Variants in UNC93A observed in about 807,000 individuals in gnomAD.
UNC93A encodes the protein unc-93 homolog A.
UNC93A carries 43 observed loss-of-function variants against 47.5 expected under a neutral mutation model. That is an observed-to-expected ratio of 0.91 (90% CI 0.71 to 1.17). The LOEUF (loss-of-function observed/expected upper bound fraction) is 1.17, where lower values mean the gene tolerates loss of function less well. Ranked by LOEUF, UNC93A falls within the 50% of genes most tolerant of loss-of-function variation. The pLI is 0.00. For synonymous variants in UNC93A, 280 were observed against 258.0 expected, an observed-to-expected ratio of 1.09 and a Z score of -0.82; for missense variants, 605 against 577.6, an observed-to-expected ratio of 1.05 and a Z score of -0.49.
upstream of UNC93A, among the ~76,000 whole-genome samples, chr6:167,287,117 G>A (rs984094667): frequency 6.6e-5 from 10 of 151,874 alleles, no homozygotes; most frequent in African/African-American, 1.7e-4. Context: ...AATCACAGCC[G>A]TATTTGGCTC....
chr6:167,278,427 C>T (rs1446032352), intron 1 of UNC93A, among the ~76,000 whole-genome samples: 2 of 152,206 alleles, frequency 1.3e-5, no homozygotes, highest in Non-Finnish European at 1.5e-5. Context: ...CATGAGGCTG[C>T]AGCACCACAA....
intron 1 of UNC93A, among the ~76,000 whole-genome samples, chr6:167,292,305 G>A (rs1783858872): frequency 6.6e-6 from 1 of 152,120 alleles, no homozygotes; most frequent in East Asian, 1.9e-4. Context: ...GGCCTGGTGT[G>A]GTCACATAAA....
At chr6:167,269,570 A>G (rs1006364348), upstream of UNC93A, among the ~76,000 whole-genome samples, 5 of 152,064 alleles carry the variant, frequency 3.3e-5, no homozygotes, top group African/African-American at 1.2e-4. Context: ...AAAGCTTTAT[A>G]TTTTACTACC....
At chr6:167,295,741 G>A (rs949306539) in intron 2 of UNC93A, among the ~76,000 whole-genome samples, 27 of 147,370 alleles carry the variant, frequency 1.8e-4, no homozygotes, top group African/African-American at 6.8e-4. Flanking sequence ...CGTGCTCCTC[G>A]CCTCCCTCGT....
intron 2 of UNC93A, among the ~76,000 whole-genome samples, chr6:167,295,632 C>CG (rs1271926439): frequency 9.0e-6 from 1 of 110,524 alleles, no homozygotes; most frequent in African/African-American, 5.0e-5. Flanking sequence ...TCGTGCTCCT[C>CG]GCCTGCCTCG....
chr6:167,311,296 T>G (rs543557401), intron 7 of UNC93A, among the ~76,000 whole-genome samples: 3 of 152,276 alleles, frequency 2.0e-5, no homozygotes, highest in Admixed American at 1.3e-4. Flanking sequence ...GTCTCCCACT[T>G]AGAAGCAGGT....
At chr6:167,288,616 G>A (rs1228873348), upstream of UNC93A, among the ~76,000 whole-genome samples, 1 of 152,032 alleles carries the variant, frequency 6.6e-6, no homozygotes, top group African/African-American at 2.4e-5. Flanking sequence ...AGTTTATTTG[G>A]TATTGCTTTT....
At chr6:167,277,071 G>A (rs1281468543) in intron 1 of UNC93A, among the ~76,000 whole-genome samples, 1 of 152,170 alleles carries the variant, frequency 6.6e-6, no homozygotes, top group African/African-American at 2.4e-5. Flanking sequence ...GGCTCATCAG[G>A]GGAGCCAGTG....
upstream of UNC93A, among the ~76,000 whole-genome samples, chr6:167,288,865 C>T (rs995500032): frequency 6.6e-6 from 1 of 152,230 alleles, no homozygotes; most frequent in Admixed American, 6.5e-5. Context: ...CTCGGTTTTC[C>T]GGAACACGCG....
chr6:167,281,549 G>A (rs1365071180), intron 1 of UNC93A, among the ~76,000 whole-genome samples: 1 of 152,158 alleles, frequency 6.6e-6, no homozygotes, highest in African/African-American at 2.4e-5. Flanking sequence ...GTGGGGAGGA[G>A]AGAGTATGTG....
intron 1 of UNC93A, among the ~76,000 whole-genome samples, chr6:167,293,474 T>C (rs1468481034): frequency 2.6e-5 from 4 of 152,156 alleles, no homozygotes; most frequent in Non-Finnish European, 2.9e-5. Context: ...GACAGCTGTC[T>C]CTGCTACTCA....
intron 5 of UNC93A, 27 bp from the exon 6 acceptor site, chr6:167,305,888 G>T (rs780738201): frequency 4.3e-6 from 7 of 1,613,914 alleles, no homozygotes; most frequent in Non-Finnish European, 5.9e-6. Flanking sequence ...GAGCGTCCAT[G>T]ACGTGGCTCT....
chr6:167,288,964 C>T (rs1426436893), upstream of UNC93A, among the ~76,000 whole-genome samples: 1 of 152,292 alleles, frequency 6.6e-6, no homozygotes, highest in Admixed American at 6.5e-5. Flanking sequence ...AGAACCACCT[C>T]TTTTCTCAAG....
intron 1 of UNC93A, among the ~76,000 whole-genome samples, chr6:167,276,564 G>C (rs145300330): frequency 1.3e-5 from 2 of 152,114 alleles, no homozygotes; most frequent in Admixed American, 6.5e-5. Flanking sequence ...TGACCTGCTC[G>C]AGGACACACA....
intron 1 of UNC93A, among the ~76,000 whole-genome samples, chr6:167,276,101 G>A (rs1224082763): frequency 6.8e-6 from 1 of 146,508 alleles, no homozygotes; most frequent in Non-Finnish European, 1.5e-5. Flanking sequence ...GAGTGAGAAC[G>A]TGTGGTGTTG....
chr6:167,297,942 T>C lies in UNC93A; in HGVS notation c.500-3T>C, dbSNP rs114577597. On this transcript the variant is annotated splice_region_variant and splice_polypyrimidine_tract_variant and intron_variant, in intron 3 of 7. Coordinates refer to ENST00000230256, the MANE Select transcript of UNC93A (RefSeq NM_018974.4). ...ATGTCTCCTGTCCACTCTGACTTCA[T>C]AGAGACCCTTCCAGAAGAGCAGCTC... is the stretch of plus-strand genomic sequence containing the variant. 2.2e-4 allele frequency: 355 copies of C among 1,613,860 alleles called. 1 individual carries two copies. The African/African-American group carries it at 4.0e-3, about 18-fold the overall frequency.
At chr6:167,271,111 C>G (rs537040897), upstream of UNC93A, 1 of 152,360 alleles carries the variant, frequency 6.6e-6, no homozygotes, top group East Asian at 1.9e-4. Context: ...GAGGGAATTG[C>G]GATTCTGGGC....
At chr6:167,287,658 G>A (rs760813362), upstream of UNC93A, among the ~76,000 whole-genome samples, 1 of 151,890 alleles carries the variant, frequency 6.6e-6, no homozygotes, top group Non-Finnish European at 1.5e-5. Context: ...AAAGGAAAAG[G>A]ACCTACGAAC....
intron 1 of UNC93A, among the ~76,000 whole-genome samples, chr6:167,282,671 G>A (rs1278418917): frequency 6.6e-6 from 1 of 152,138 alleles, no homozygotes; most frequent in East Asian, 1.9e-4. Context: ...CCTAAACTTT[G>A]TAAAGTATTA....
Sources: gnomAD v4.1 joint callset for allele counts (sites outside exome capture counted in the v4.1 genomes callset) on GRCh38, gnomAD v4.1.1 for gene constraint, MANE v1.5 for transcripts, NCBI Gene and HGNC (gene_info 2026-07-23, HGNC 2026-07-21) for gene names.